DENND1A: variants seen among roughly 807,000 people sequenced by gnomAD.
The protein encoded by DENND1A is DENN domain-containing protein 1A.
DENND1A carries 51 observed loss-of-function variants against 113.7 expected under a neutral mutation model. That is an observed-to-expected ratio of 0.45 (90% confidence interval 0.36 to 0.57). The LOEUF (loss-of-function observed/expected upper bound fraction) is 0.57. DENND1A is among the 20% of genes least tolerant of loss of function. The probability of loss-of-function intolerance (pLI) is 0.00; values close to 1 mark genes in which losing one functional copy is unlikely to be tolerated. For missense variants in DENND1A, 1,258 were observed against 1,395.9 expected (o/e 0.90, Z 1.57); for synonymous variants, 565 against 570.8 (o/e 0.99, Z 0.14).
At chr9:123,848,824 A>C (rs1216233789) in intron 2 of DENND1A, among the ~76,000 whole-genome samples, 1 of 152,232 alleles carries the variant, frequency 6.6e-6, no homozygotes, top group Non-Finnish European at 1.5e-5. Context: ...TTGCTGATAC[A>C]TGAAAGTTTT....
intron 3 of DENND1A, among the ~76,000 whole-genome samples, chr9:123,778,905 T>C (rs572817449): frequency 2.6e-5 from 4 of 152,316 alleles, no homozygotes; most frequent in African/African-American, 9.6e-5. Flanking sequence ...TCAAATGTGA[T>C]TGTTGCCAAA....
At chr9:123,480,391 C>CCT (rs2050241046) in intron 13 of DENND1A, among the ~76,000 whole-genome samples, 1 of 152,234 alleles carries the variant, frequency 6.6e-6, no homozygotes, top group African/African-American at 2.4e-5. Flanking sequence ...TCCAGCCACA[C>CCT]CTCTTGACAT....
intron 5 of DENND1A, among the ~76,000 whole-genome samples, chr9:123,728,479 CAAAAAAAAAAAAAAAAA>C (rs60761810): frequency 2.8e-4 from 7 of 25,194 alleles, no homozygotes; most frequent in South Asian, 2.2e-3. Flanking sequence ...CTCTGTCTCC[CAAAAAAAAAAAAAAAAA>C]AAAAAAAAAA....
At chr9:123,864,879 C>T (rs909304642) in intron 2 of DENND1A, among the ~76,000 whole-genome samples, 2 of 152,294 alleles carry the variant, frequency 1.3e-5, no homozygotes, top group African/African-American at 4.8e-5. Flanking sequence ...CAAATACACA[C>T]TGAGTGCCTA....
chr9:123,387,510 T>C (rs2042627096), intron 22 of DENND1A, among the ~76,000 whole-genome samples: 1 of 152,174 alleles, frequency 6.6e-6, no homozygotes, highest in African/African-American at 2.4e-5. Context: ...CACCTCTCTA[T>C]TGTCACAGCC....
chr9:123,860,687 A>G (rs987317355), intron 2 of DENND1A, among the ~76,000 whole-genome samples: 4 of 152,128 alleles, frequency 2.6e-5, no homozygotes, highest in South Asian at 4.1e-4. Flanking sequence ...AAACACCTAT[A>G]CTTCATCTCT....
At position 123,440,502 on chromosome 9, in the gene DENND1A, A is replaced by G; in HGVS notation, c.1357-11T>C. ...ATTCTCGGCAATGTCCTGTAGGGAG[A>G]AGGATAGTCAGCGGTTGGCACTGGG... On this transcript the variant is annotated splice_polypyrimidine_tract_variant and intron_variant, in intron 18 of 23. Coordinates refer to ENST00000394215, the MANE Select transcript of DENND1A (RefSeq NM_001352964.2). 1 of 1,544,224 alleles carries G rather than the reference A, an allele frequency of 6.5e-7. No homozygotes were observed. Among genetic ancestry groups the G allele is most frequent in the Non-Finnish European group, 8.6e-7 (1 of 1,156,732 alleles).
At chr9:123,851,245 G>A (rs1307847207) in intron 2 of DENND1A, among the ~76,000 whole-genome samples, 3 of 152,140 alleles carry the variant, frequency 2.0e-5, no homozygotes, top group Non-Finnish European at 2.9e-5. Flanking sequence ...ACATTAGTTT[G>A]TACTTTCTAG....
chr9:123,626,690 T>C (rs983981841), intron 10 of DENND1A, among the ~76,000 whole-genome samples: 1 of 152,148 alleles, frequency 6.6e-6, no homozygotes, highest in Non-Finnish European at 1.5e-5. Context: ...TGGAGATATA[T>C]GGCAGTGAGA....
chr9:123,659,742 C>T (rs1192890529), intron 8 of DENND1A, among the ~76,000 whole-genome samples: 1 of 152,206 alleles, frequency 6.6e-6, no homozygotes, highest in African/African-American at 2.4e-5. Flanking sequence ...GTCTGGTTGT[C>T]TCTAAAATTC....
At chr9:123,553,408 C>A (rs959915761) in intron 13 of DENND1A, among the ~76,000 whole-genome samples, 1 of 151,754 alleles carries the variant, frequency 6.6e-6, no homozygotes, top group Non-Finnish European at 1.5e-5. Context: ...CCGCCCCCCC[C>A]CCGCTCCTCA....
chr9:123,586,309 A>G (rs1040651239), intron 11 of DENND1A, among the ~76,000 whole-genome samples: 2 of 152,024 alleles, frequency 1.3e-5, no homozygotes, highest in African/African-American at 4.8e-5. Flanking sequence ...CTGTGCTCCC[A>G]TTGGGCCCCA....
chr9:123,708,913 G>A (rs759745577), intron 5 of DENND1A, among the ~76,000 whole-genome samples: 10 of 152,156 alleles, frequency 6.6e-5, no homozygotes, highest in Non-Finnish European at 1.2e-4. Context: ...TTACTGTTAT[G>A]TATGATACAC....
At chr9:123,485,591 C>T (rs1383261077) in intron 13 of DENND1A, 2 of 151,696 alleles carry the variant, frequency 1.3e-5, no homozygotes, top group African/African-American at 2.4e-5. Flanking sequence ...CCTTACCTCT[C>T]CCCCTGCCAG....
At chr9:123,691,198 G>C (rs1365531002) in intron 5 of DENND1A, among the ~76,000 whole-genome samples, 1 of 152,212 alleles carries the variant, frequency 6.6e-6, no homozygotes, top group Admixed American at 6.5e-5. Context: ...ATGTGTGCCA[G>C]CCCTGTCCTA....
At chr9:123,829,589 GA>G (rs1347366587) in intron 2 of DENND1A, among the ~76,000 whole-genome samples, 1 of 151,606 alleles carries the variant, frequency 6.6e-6, no homozygotes, top group Non-Finnish European at 1.5e-5. Context: ...GATAGGAAAA[GA>G]AAATCAAACA....
At chr9:123,762,717 G>C (rs2071142766) in intron 4 of DENND1A, among the ~76,000 whole-genome samples, 1 of 152,238 alleles carries the variant, frequency 6.6e-6, no homozygotes, top group South Asian at 2.1e-4. Context: ...CATACAGCTT[G>C]TAATAGTGGT....
chr9:123,633,895 T>C (rs1393825585), intron 9 of DENND1A, among the ~76,000 whole-genome samples: 2 of 152,244 alleles, frequency 1.3e-5, no homozygotes, highest in Non-Finnish European at 2.9e-5. Context: ...CATTCAATCA[T>C]ATGCCTACTC....
intron 1 of DENND1A, among the ~76,000 whole-genome samples, chr9:123,929,567 C>G (rs940426811): frequency 3.3e-5 from 5 of 152,128 alleles, no homozygotes; most frequent in African/African-American, 1.2e-4. Context: ...GGCTTTCCCA[C>G]TCCCCTTCCC....
Sources: gnomAD v4.1 joint callset for allele counts (sites outside exome capture counted in the v4.1 genomes callset) on GRCh38, gnomAD v4.1.1 for gene constraint, MANE v1.5 for transcripts, NCBI Gene and HGNC (gene_info 2026-07-23, HGNC 2026-07-21) for gene names.